Variants in MORN1 observed in about 807,000 individuals in gnomAD.
MORN1 encodes MORN repeat-containing protein 1.
MORN1 carries 67 observed loss-of-function variants against 61.9 expected under a neutral mutation model. The ratio of observed to expected loss-of-function variants is 1.08; its 90% CI spans 0.89 to 1.33. MORN1 has a LOEUF of 1.33. Ranked by LOEUF, MORN1 falls within the 40% of genes most tolerant of loss-of-function variation. The probability of loss-of-function intolerance (pLI) is 0.00; values close to 1 mark genes in which losing one functional copy is unlikely to be tolerated. For synonymous variants in MORN1, 301 were observed against 292.0 expected, an observed-to-expected ratio of 1.03 and a Z score of -0.31; for missense variants, 752 against 691.2, an observed-to-expected ratio of 1.09 and a Z score of -0.99.
intron 12 of MORN1, among the ~76,000 whole-genome samples, chr1:2,335,858 C>T (rs35447812): frequency 0.16 from 23,656 of 151,552 alleles, 2,221 homozygotes; most frequent in Non-Finnish European, 0.21. Flanking sequence ...CGCAGCTGCC[C>T]CCAATTTGTA....
At position 2,337,956 on chromosome 1, in the gene MORN1, GA is replaced by G. The variant is rs1473835513; in HGVS notation, c.1037-1107del. Among the ~76,000 whole-genome samples, 1 of 152,210 alleles carries G rather than the reference GA, an allele frequency of 6.6e-6. No homozygotes were observed. Among genetic ancestry groups the G allele is most frequent in the African/African-American group, 2.4e-5 (1 of 41,456 alleles). ...TGGAGCCAAGACAGTGCCCAGGAGG[GA>G]AGGAGGAGTCAGGGGCTGCTGAGGG... On this transcript the variant is annotated intron_variant, in intron 10 of 13. Transcript: ENST00000378531. This position sits in a 1 kb window ranked among gnomAD's most constrained non-coding sequence, Gnocchi z 5.7.
intron 10 of MORN1, among the ~76,000 whole-genome samples, chr1:2,348,099 A>G (rs558609389): frequency 6.6e-6 from 1 of 152,176 alleles, no homozygotes; most frequent in Non-Finnish European, 1.5e-5. Context: ...CATTGCAGCG[A>G]GCTCTCATTG....
At chr1:2,351,535 C>G (rs1297647446) in intron 10 of MORN1, 2 of 189,942 alleles carry the variant, frequency 1.1e-5, no homozygotes, top group African/African-American at 4.8e-5. Flanking sequence ...CGGTAAGAGT[C>G]TTTGCCAGCA....
chr1:2,323,277 G>T, intron 13 of MORN1: 1 of 985,394 alleles, frequency 1.0e-6, no homozygotes, highest in Non-Finnish European at 1.2e-6. Flanking sequence ...CACGACCAGG[G>T]TGGCTCTGCT....
chr1:2,385,975 G>A, intron 4 of MORN1, 78 bp from the exon 5 acceptor site: 3 of 1,337,010 alleles, frequency 2.2e-6, no homozygotes, highest in African/African-American at 1.4e-5. Flanking sequence ...TCCGCTCCTT[G>A]GAGGGCGGGC....
At chr1:2,388,421 A>G (rs2100379069) in intron 2 of MORN1, 84 bp from the exon 3 acceptor site, 2 of 1,059,412 alleles carry the variant, frequency 1.9e-6, no homozygotes, top group East Asian at 4.8e-5. Flanking sequence ...CCTGTTTCTC[A>G]GAACCAAGAG....
chr1:2,321,257 C>G lies in MORN1; in HGVS notation c.*126G>C. 1.4e-6 allele frequency: 1 copy of G among 736,406 alleles called. No individual in the cohort carries two copies. Among genetic ancestry groups the G allele is most frequent in the South Asian group, 1.9e-5 (1 of 52,138 alleles). 45.6% of individuals were successfully genotyped at this position (736,406 alleles called of 1,614,324 possible). On this transcript the variant is annotated 3_prime_UTR_variant, in exon 14 of 14. Coordinates refer to ENST00000378531, the MANE Select transcript of MORN1 (RefSeq NM_024848.3). Reference sequence around the variant, plus strand: ...CCCAAGGAGCAGTGCCCTCCATAGCCGCCACTGAGCATTTTATTCAAGCCA... The same window carrying G: ...CCCAAGGAGCAGTGCCCTCCATAGCGGCCACTGAGCATTTTATTCAAGCCA...
chr1:2,391,359 T>C, intron 1 of MORN1, 99 bp downstream of exon 1: 1 of 1,218,334 alleles, frequency 8.2e-7, no homozygotes, highest in South Asian at 4.1e-5. Context: ...GACCTCTACT[T>C]TCCGAGGTGA....
chr1:2,323,488 G>C (rs1259267868), intron 13 of MORN1: 3 of 985,284 alleles, frequency 3.0e-6, no homozygotes, highest in Non-Finnish European at 3.6e-6. Flanking sequence ...GTCCTGCTAG[G>C]GGTCCGAGCC....
At chr1:2,324,204 C>A (rs1376611450) in intron 12 of MORN1, 61 bp from the exon 13 acceptor site, 6 of 1,521,098 alleles carry the variant, frequency 3.9e-6, no homozygotes, top group Non-Finnish European at 5.4e-6. Context: ...GACATGGCAT[C>A]CCTGACCTGA....
intron 12 of MORN1, among the ~76,000 whole-genome samples, chr1:2,335,833 C>CAGCCCAGCCCAGCCG (rs1553208696): frequency 6.9e-6 from 1 of 144,192 alleles, no homozygotes; most frequent in African/African-American, 2.9e-5. Flanking sequence ...CTCCATAGCC[C>CAGCCCAGCCCAGCCG]AGCCCAGCCC....
Position 2,385,968 on chromosome 1 carries a change from G to A in MORN1, c.359-71C>T, listed in dbSNP as rs1164451059. The A allele has an allele frequency of 6.6e-6, 9 of 1,358,700 alleles. No homozygotes were observed. In the East Asian group the frequency reaches 1.4e-4, roughly 21 times the overall value. 84.2% of individuals were successfully genotyped at this position (1,358,700 alleles called of 1,614,324 possible). The stretch of plus-strand genomic sequence containing the variant: ...GCATCTGAGAAGGGATCTGCCCTCC[G>A]CTCCTTGGAGGGCGGGCAGGAGCAA... On this transcript the variant is annotated intron_variant, in intron 4 of 13. Transcript: ENST00000378531.
rs1423626725 is a variant in MORN1, at chr1:2,387,911, GAC to G, written c.247+326_247+327del. The G allele has an allele frequency of 2.6e-5, 11 of 418,738 alleles. No individual in the cohort carries two copies. In the East Asian group the frequency reaches 4.4e-4, roughly 17 times the overall value. 25.9% of individuals were successfully genotyped at this position (418,738 alleles called of 1,614,324 possible). ...CTGGCGTGAGGGTCTGAGGTTCCTG[GAC>G]ACACAGCTCCCGGCAACGAATCCCC... On this transcript the variant is annotated intron_variant, in intron 3 of 13. Coordinates refer to ENST00000378531, the MANE Select transcript of MORN1 (RefSeq NM_024848.3).
At chr1:2,378,841 G>A (rs977203152) in intron 6 of MORN1, 17 of 438,746 alleles carry the variant, frequency 3.9e-5, no homozygotes, top group East Asian at 3.5e-4. Flanking sequence ...TGGCTGAGGC[G>A]TCACAGGCTG....
At chr1:2,373,679 G>A (rs917442460) in intron 7 of MORN1, among the ~76,000 whole-genome samples, 1 of 152,158 alleles carries the variant, frequency 6.6e-6, no homozygotes, top group Admixed American at 6.5e-5. Flanking sequence ...GTGTGCGTGC[G>A]GGTGCTGGGA....
At chr1:2,351,923 G>T in intron 10 of MORN1, 1 of 516,542 alleles carries the variant, frequency 1.9e-6, no homozygotes, top group Non-Finnish European at 3.8e-6. Context: ...CTGGTATGAG[G>T]CCACCCACGG....
In MORN1 at chr1:2,337,492, T is replaced by TC. The variant is rs1641305757; in HGVS notation, c.1037-643dup. Among the ~76,000 whole-genome samples the TC allele has an allele frequency of 6.6e-6, 1 of 152,090 alleles. No individual in the cohort carries two copies. The highest frequency in any genetic ancestry group is 1.5e-5 in the Non-Finnish European group (1 of 67,998). On this transcript the variant is annotated intron_variant, in intron 10 of 13. Coordinates refer to ENST00000378531, the MANE Select transcript of MORN1 (RefSeq NM_024848.3). The surrounding 1 kb of genome is among the most constrained non-coding windows in gnomAD (Gnocchi z 5.7). Reference sequence around the variant, plus strand: ...CCAACCTAGCTTTTTCCAGCCCCTCTCCCGGGGTCCCAGGGTGCGAGGTAT... The same window carrying TC: ...CCAACCTAGCTTTTTCCAGCCCCTCTCCCCGGGGTCCCAGGGTGCGAGGTAT...
At chr1:2,333,401 GGTGA>G (rs748132415) in intron 12 of MORN1, among the ~76,000 whole-genome samples, 4 of 152,214 alleles carry the variant, frequency 2.6e-5, no homozygotes, top group East Asian at 1.9e-4. Context: ...GGGGACAGCT[GGTGA>G]GTGAGTGACA....
chr1:2,340,073 A>G (rs1641361408), intron 10 of MORN1, among the ~76,000 whole-genome samples: 1 of 152,082 alleles, frequency 6.6e-6, no homozygotes, highest in South Asian at 2.1e-4. Flanking sequence ...CTGAGCCCCC[A>G]CTTGTCCCCC....
Sources: gnomAD v4.1 joint callset for allele counts (sites outside exome capture counted in the v4.1 genomes callset) on GRCh38, gnomAD v4.1.1 for gene constraint, Gnocchi (gnomAD v3.1) non-coding constraint, MANE v1.5 for transcripts, NCBI Gene and HGNC (gene_info 2026-07-23, HGNC 2026-07-21) for gene names.